The following RBM20 variants were observed in gnomAD, a reference collection of about 807,000 sequenced individuals.
RBM20 encodes RNA binding motif protein 20, also known as RNA-binding protein 20.
In RBM20, 51 loss-of-function variants were observed where a neutral mutation model predicts 110.1. The observed-to-expected ratio is 0.46, with a 90% confidence interval of 0.37 to 0.59. The LOEUF (loss-of-function observed/expected upper bound fraction) is 0.59, where lower values mean the gene tolerates loss of function less well. Among genes scored for constraint, RBM20 ranks in the 20% least tolerant of loss-of-function variants. RBM20 has a pLI of 0.00. For missense variants in RBM20, 1,512 were observed against 1,574.9 expected, an observed-to-expected ratio of 0.96 and a Z score of 0.68; for synonymous variants, 589 against 618.2, an observed-to-expected ratio of 0.95 and a Z score of 0.70.
At position 110,688,717 on chromosome 10, in the gene RBM20, A is replaced by G. The variant is rs117307987; in HGVS notation, c.191+44072A>G. ...TTCCCTAACTTCCCCTAATGTCAATACCTTACATAACCATGGTACATTTTT... is the reference window on the plus strand; with the variant it reads ...TTCCCTAACTTCCCCTAATGTCAATGCCTTACATAACCATGGTACATTTTT... On this transcript the variant is annotated intron_variant, in intron 1 of 13. Coordinates refer to ENST00000369519, the MANE Select transcript of RBM20 (RefSeq NM_001134363.3). 4.6e-3 allele frequency among the ~76,000 whole-genome samples: 708 copies of G among 152,342 alleles called. 2 individuals carry two copies. The highest frequency in any genetic ancestry group is 0.01 in the Middle Eastern group (3 of 294).
intron 1 of RBM20, among the ~76,000 whole-genome samples, chr10:110,753,840 A>T (rs1843889994): frequency 6.6e-6 from 1 of 152,146 alleles, no homozygotes; most frequent in South Asian, 2.1e-4. Flanking sequence ...TGCTTGATTC[A>T]TGGCCCCCTT....
intron 1 of RBM20, among the ~76,000 whole-genome samples, chr10:110,691,540 C>T (rs904408586): frequency 5.3e-5 from 8 of 152,196 alleles, no homozygotes; most frequent in Non-Finnish European, 7.3e-5. Flanking sequence ...TGAGGTTGAG[C>T]ATCTTTTCAT....
chr10:110,668,984 G>A (rs1862221026), intron 1 of RBM20, among the ~76,000 whole-genome samples: 1 of 151,754 alleles, frequency 6.6e-6, no homozygotes, highest in Non-Finnish European at 1.5e-5. Context: ...GACTTTTATG[G>A]AAAACATATT....
chr10:110,818,476 A>T (rs1844869670), intron 9 of RBM20, among the ~76,000 whole-genome samples: 1 of 23,112 alleles, frequency 4.3e-5, no homozygotes, highest in African/African-American at 5.8e-5. Flanking sequence ...CCTGCTTGCA[A>T]CAGTTGGCGT....
At chr10:110,733,120 G>T (rs991494492) in intron 1 of RBM20, among the ~76,000 whole-genome samples, 4 of 152,126 alleles carry the variant, frequency 2.6e-5, no homozygotes, top group African/African-American at 7.2e-5. Context: ...AGCTTGTAAG[G>T]CTCTGAAAGG....
chr10:110,812,579 G>C lies in RBM20; in HGVS notation c.2182G>C (p.Glu728Gln). Residue 728 changes from glutamate to glutamine, a missense_variant, in exon 9 of 14, where the codon GAA (glutamate) becomes CAA (glutamine). Coordinates refer to ENST00000369519, the MANE Select transcript of RBM20 (RefSeq NM_001134363.3). The part of the protein sequence containing the change: ...LDKAELDERP[E>Q]GGRPHREKYP... ...CAAGGCTGAGTTGGACGAGCGACCA[G>C]AAGGAGGGAGGCCCCACCGGGAGAA... The C allele has an allele frequency of 6.4e-7, 1 of 1,551,688 alleles. No homozygotes were observed. The highest frequency in any genetic ancestry group is 8.7e-7 in the Non-Finnish European group (1 of 1,146,982).
At chr10:110,820,355 C>G (rs113150919) in intron 10 of RBM20, among the ~76,000 whole-genome samples, 179 bp downstream of exon 10, 11 of 152,310 alleles carry the variant, frequency 7.2e-5, no homozygotes, top group African/African-American at 2.6e-4. Flanking sequence ...AATCTTCGGA[C>G]AGTTTTTATT....
intron 1 of RBM20, among the ~76,000 whole-genome samples, chr10:110,664,899 G>A (rs908835530): frequency 3.3e-5 from 5 of 151,942 alleles, no homozygotes; most frequent in African/African-American, 1.2e-4. Context: ...TTTAGAGACA[G>A]GGTCCTTGCT....
intron 9 of RBM20, among the ~76,000 whole-genome samples, chr10:110,815,426 C>T (rs1241665496): frequency 1.3e-5 from 2 of 152,222 alleles, no homozygotes; most frequent in East Asian, 3.8e-4. Flanking sequence ...TCATGGAAGA[C>T]ACTGTGTGCC....
At chr10:110,728,807 T>C (rs1445512567) in intron 1 of RBM20, among the ~76,000 whole-genome samples, 1 of 152,158 alleles carries the variant, frequency 6.6e-6, no homozygotes, top group Non-Finnish European at 1.5e-5. Context: ...AGTCGCCAGG[T>C]CTCAGGACTG....
At position 110,837,531 on chromosome 10, in the gene RBM20, G is replaced by C. The variant is rs41292598; in HGVS notation, c.*1553G>C. 1 of 152,114 alleles carries C rather than the reference G, an allele frequency of 6.6e-6. No individual in the cohort carries two copies. Among genetic ancestry groups the C allele is most frequent in the Non-Finnish European group, 1.5e-5 (1 of 68,042 alleles). The allele number at this position is 152,114 out of a possible 1,614,324, so 9.4% of individuals were successfully genotyped here. On this transcript the variant is annotated 3_prime_UTR_variant, in exon 14 of 14. Coordinates refer to ENST00000369519, the MANE Select transcript of RBM20 (RefSeq NM_001134363.3). ...CTGTTGTTTCTGTTCCTGACCTTGG[G>C]CAGGCAGACTGAGAAGGGACTGTGT...
At chr10:110,645,972 T>G (rs1403385735) in intron 1 of RBM20, among the ~76,000 whole-genome samples, 1 of 152,224 alleles carries the variant, frequency 6.6e-6, no homozygotes, top group African/African-American at 2.4e-5. Flanking sequence ...TTTATGTACA[T>G]CAATACTTAA....
intron 1 of RBM20, among the ~76,000 whole-genome samples, chr10:110,695,213 A>G (rs1452813374): frequency 6.6e-6 from 1 of 152,194 alleles, no homozygotes; most frequent in Non-Finnish European, 1.5e-5. Context: ...GTGTTTATTC[A>G]TCTGCAGACT....
intron 1 of RBM20, among the ~76,000 whole-genome samples, chr10:110,734,865 G>A (rs1239347921): frequency 2.6e-5 from 4 of 152,052 alleles, no homozygotes; most frequent in African/African-American, 7.2e-5. Flanking sequence ...ATCTGAAAAC[G>A]TTAAATGGGA....
At chr10:110,712,306 T>C (rs2134914858) in intron 1 of RBM20, among the ~76,000 whole-genome samples, 1 of 152,340 alleles carries the variant, frequency 6.6e-6, no homozygotes, top group Non-Finnish European at 1.5e-5. Context: ...TGTGGTTGTG[T>C]ATAGCAGTAG....
chr10:110,783,283 C>A, intron 2 of RBM20, 83 bp from the exon 3 acceptor site: 1 of 1,074,652 alleles, frequency 9.3e-7, no homozygotes, highest in Non-Finnish European at 1.4e-6. Flanking sequence ...GTGCTCCCTG[C>A]CTGACCAGTG....
At chr10:110,707,800 A>G (rs1408016107) in intron 1 of RBM20, among the ~76,000 whole-genome samples, 1 of 152,218 alleles carries the variant, frequency 6.6e-6, no homozygotes, top group African/African-American at 2.4e-5. Flanking sequence ...TACAAAATAT[A>G]GTAAGATAGA....
At chr10:110,799,940 T>C in intron 7 of RBM20, 22 bp downstream of exon 7, 1 of 1,550,916 alleles carries the variant, frequency 6.4e-7, no homozygotes, top group Non-Finnish European at 8.7e-7. Flanking sequence ...TCTTGCTCAT[T>C]CAGTCATTCA....
At chr10:110,743,808 G>C (rs918706492) in intron 1 of RBM20, among the ~76,000 whole-genome samples, 1 of 152,106 alleles carries the variant, frequency 6.6e-6, no homozygotes, top group Admixed American at 6.5e-5. Flanking sequence ...TAGAGATGGG[G>C]TTTCACCATG....
Sources: allele counts gnomAD v4.1 joint callset (sites outside exome capture counted in the v4.1 genomes callset), GRCh38; gene constraint gnomAD v4.1.1; transcripts MANE v1.5; gene names NCBI Gene and HGNC (gene_info 2026-07-23, HGNC 2026-07-21).